ZEB1: variants seen among roughly 807,000 people sequenced by gnomAD.
ZEB1 encodes zinc finger E-box-binding homeobox 1.
Under a neutral mutation model 84.9 loss-of-function variants are expected in ZEB1, and 21 were observed. The observed-to-expected ratio is 0.25, with a 90% CI of 0.18 to 0.36. The LOEUF (loss-of-function observed/expected upper bound fraction) is 0.36, where lower values mean the gene tolerates loss of function less well. ZEB1 is among the 10% of genes least tolerant of loss of function. The pLI is 1.00. For missense variants in ZEB1, 1,104 were observed against 1,330.2 expected (o/e 0.83, Z 2.65); for synonymous variants, 420 against 471.1 (o/e 0.89, Z 1.41).
chr10:31,403,328 T>C (rs1477057332), intron 1 of ZEB1, among the ~76,000 whole-genome samples: 5 of 151,974 alleles, frequency 3.3e-5, no homozygotes, highest in Admixed American at 2.0e-4. Context: ...TAATAGTTAT[T>C]GTTGCAGTAT....
chr10:31,364,377 C>T (rs2044035390), intron 1 of ZEB1, among the ~76,000 whole-genome samples: 1 of 152,210 alleles, frequency 6.6e-6, no homozygotes, highest in South Asian at 2.1e-4. Context: ...TCCGCCAGAG[C>T]CCTTCCACCT....
rs1409272516 is a variant in ZEB1 at position 31,502,302 on chromosome 10, A to C, written c.323-46A>C. 2.5e-6 allele frequency: 4 copies of C among 1,592,962 alleles called. No homozygotes were observed. In the East Asian group the frequency reaches 9.0e-5, roughly 36 times the overall value. The stretch of plus-strand genomic sequence containing the variant: ...TTCTTATTTAGAAAACCTTTGTAAT[A>C]ACTTAGTGGTGAGATTGCTGTCTTA... On this transcript the variant is annotated intron_variant, in intron 3 of 8. Coordinates refer to ENST00000424869, the MANE Select transcript of ZEB1 (RefSeq NM_001174096.2).
At chr10:31,500,150 C>CA (rs2067911713) in intron 3 of ZEB1, among the ~76,000 whole-genome samples, 4 of 151,968 alleles carry the variant, frequency 2.6e-5, no homozygotes, top group South Asian at 4.1e-4. Context: ...ACTATCTTAG[C>CA]AACTCTACAT....
rs1418953151 is a variant in ZEB1 at position 31,527,593 on chromosome 10, C to T, written c.*329C>T. The T allele has an allele frequency of 3.4e-6, 1 of 290,626 alleles. No homozygotes were observed. The highest frequency in any genetic ancestry group is 2.2e-5 in the African/African-American group (1 of 45,940). The allele number at this position is 290,626 out of a possible 1,614,324, so 18.0% of individuals were successfully genotyped here. Reference sequence around the variant, plus strand: ...CAACAATACAAGAGGTTAAAGGAAGCTGATTAATTAGATATGCATCTGGCA... The same window carrying T: ...CAACAATACAAGAGGTTAAAGGAAGTTGATTAATTAGATATGCATCTGGCA... On this transcript the variant is annotated 3_prime_UTR_variant, in exon 9 of 9. Coordinates refer to ENST00000424869, the MANE Select transcript of ZEB1 (RefSeq NM_001174096.2).
chr10:31,475,731 C>T (rs1308490334), intron 2 of ZEB1, among the ~76,000 whole-genome samples: 1 of 152,068 alleles, frequency 6.6e-6, no homozygotes, highest in Non-Finnish European at 1.5e-5. Context: ...CCCAGATAAG[C>T]ACACATAGAG....
chr10:31,491,378 G>T (rs1167759305), intron 2 of ZEB1, among the ~76,000 whole-genome samples: 2 of 151,748 alleles, frequency 1.3e-5, no homozygotes, highest in Non-Finnish European at 2.9e-5. Context: ...CATTATCTCT[G>T]CTACTACCTT....
At chr10:31,354,493 A>G (rs1321451062) in intron 1 of ZEB1, among the ~76,000 whole-genome samples, 1 of 152,080 alleles carries the variant, frequency 6.6e-6, no homozygotes, top group Admixed American at 6.5e-5. Context: ...TTTTCTAAGG[A>G]TTATTCTGAA....
At chr10:31,457,693 T>C (rs960502419) in intron 1 of ZEB1, among the ~76,000 whole-genome samples, 7 of 152,106 alleles carry the variant, frequency 4.6e-5, no homozygotes, top group African/African-American at 1.7e-4. Context: ...TGATAGGCAG[T>C]CTTTAAGAGT....
chr10:31,523,971 T>G lies in ZEB1; in HGVS notation c.2643T>G (p.Asn881Lys). The change falls in exon 8 of 9, where the codon AAT (asparagine) becomes AAG (lysine). Residue 881 changes from asparagine to lysine, a missense_variant. Asn to Lys is a moderately conservative substitution (Grantham distance 94, BLOSUM62 0). Transcript: ENST00000424869. ...RQDTSSEGVS[N>K]VEDQNDSDST... ...ATACTAGCTCAGAAGGAGTATCAAA[T>G]GTAGAGGATCAGAATGACTCTGATT... is the stretch of plus-strand genomic sequence containing the variant. 6.2e-7 allele frequency: 1 copy of G among 1,613,994 alleles called. No homozygotes were observed. Among genetic ancestry groups the G allele is most frequent in the Non-Finnish European group, 8.5e-7 (1 of 1,179,930 alleles).
chr10:31,329,066 C>A (rs901361239), intron 1 of ZEB1, among the ~76,000 whole-genome samples: 2 of 151,984 alleles, frequency 1.3e-5, no homozygotes, highest in African/African-American at 4.8e-5. Context: ...TACCACTATG[C>A]ATGTACATTT....
At chr10:31,420,741 T>G (rs1195598117) in intron 1 of ZEB1, among the ~76,000 whole-genome samples, 1 of 152,128 alleles carries the variant, frequency 6.6e-6, no homozygotes, top group Non-Finnish European at 1.5e-5. Flanking sequence ...AGACCATGGA[T>G]CATTGGAGGT....
intron 1 of ZEB1, among the ~76,000 whole-genome samples, chr10:31,340,580 A>G (rs2039164645): frequency 6.6e-6 from 1 of 152,164 alleles, no homozygotes; most frequent in South Asian, 2.1e-4. Flanking sequence ...CAAACATGTG[A>G]TGTTTGCCTA....
intron 1 of ZEB1, among the ~76,000 whole-genome samples, chr10:31,431,037 A>T (rs1317733942): frequency 6.6e-6 from 1 of 152,204 alleles, no homozygotes; most frequent in Non-Finnish European, 1.5e-5. Flanking sequence ...TTTATGGATC[A>T]TGTTTCTGGT....
At chr10:31,426,229 A>G (rs2056909893) in intron 1 of ZEB1, among the ~76,000 whole-genome samples, 1 of 152,222 alleles carries the variant, frequency 6.6e-6, no homozygotes, top group Non-Finnish European at 1.5e-5. Context: ...CCAATGTTGC[A>G]CTTGTTGCCA....
intron 2 of ZEB1, among the ~76,000 whole-genome samples, chr10:31,481,541 C>T (rs574002650): frequency 4.6e-5 from 7 of 151,992 alleles, no homozygotes; most frequent in East Asian, 1.9e-4. Flanking sequence ...CATGCACCTG[C>T]AATCCCTGCT....
rs950363517 is a variant in ZEB1 at position 31,424,115 on chromosome 10, T to G, written c.59-36922T>G. ...ATTGTTTTGGAAAATGTTCTTCCAT[T>G]TCATTACAACATTTTACGTTTTCTC... On this transcript the variant is annotated intron_variant, in intron 1 of 8. Transcript: ENST00000424869. Among the ~76,000 whole-genome samples the G allele has an allele frequency of 2.0e-5, 3 of 152,054 alleles. No individual in the cohort carries two copies. The East Asian group carries it at 5.8e-4, about 29-fold the overall frequency.
chr10:31,514,039 A>T (rs2070609295), intron 5 of ZEB1, among the ~76,000 whole-genome samples: 1 of 152,070 alleles, frequency 6.6e-6, no homozygotes, highest in South Asian at 2.1e-4. Context: ...AAGCTATTAT[A>T]ATAATCCACA....
chr10:31,446,596 G>T (rs1292031899), intron 1 of ZEB1, among the ~76,000 whole-genome samples: 1 of 151,668 alleles, frequency 6.6e-6, no homozygotes, highest in Non-Finnish European at 1.5e-5. Context: ...GCGTCCCAGA[G>T]ATTCTGGTAT....
chr10:31,489,588 A>AT (rs1310293033), intron 2 of ZEB1, among the ~76,000 whole-genome samples: 1 of 150,910 alleles, frequency 6.6e-6, no homozygotes, highest in East Asian at 1.9e-4. Context: ...TCATTTGAAT[A>AT]TTTTTTAGTA....
Sources: gnomAD v4.1 joint callset for allele counts (sites outside exome capture counted in the v4.1 genomes callset) on GRCh38, gnomAD v4.1.1 for gene constraint, MANE v1.5 for transcripts, NCBI Gene and HGNC (gene_info 2026-07-23, HGNC 2026-07-21) for gene names.